The following CADM2 variants were observed in gnomAD, a reference collection of about 807,000 sequenced individuals.
CADM2 encodes cell adhesion molecule 2, also known as immunoglobulin superfamily member 4D.
CADM2 carries 12 observed loss-of-function variants against 49.8 expected under a neutral mutation model. The observed-to-expected ratio is 0.24, with a 90% CI of 0.15 to 0.39. The LOEUF (loss-of-function observed/expected upper bound fraction) is 0.39. Among genes scored for constraint, CADM2 ranks in the 10% least tolerant of loss-of-function variants. CADM2 has a pLI of 1.00. For missense variants in CADM2, 378 were observed against 492.3 expected, an observed-to-expected ratio of 0.77 and a Z score of 2.20; for synonymous variants, 214 against 175.4, an observed-to-expected ratio of 1.22 and a Z score of -1.74.
At chr3:85,620,622 T>A (rs1025786251) in intron 1 of CADM2, among the ~76,000 whole-genome samples, 6 of 152,096 alleles carry the variant, frequency 3.9e-5, no homozygotes, top group Non-Finnish European at 5.9e-5. Flanking sequence ...ACAGTATTTT[T>A]AAAAAATCAT....
intron 1 of CADM2, among the ~76,000 whole-genome samples, chr3:85,590,522 G>A (rs6782190): frequency 0.59 from 90,278 of 151,786 alleles, 28,326 homozygotes; most frequent in East Asian, 0.93. Context: ...ACTGTTGGAA[G>A]GAAAACATAA....
chr3:85,422,244 G>A (rs1189712011), intron 1 of CADM2, among the ~76,000 whole-genome samples: 1 of 152,050 alleles, frequency 6.6e-6, no homozygotes, highest in Non-Finnish European at 1.5e-5. Flanking sequence ...ATTCTGGAAA[G>A]CAAGAAGCAG....
intron 1 of CADM2, among the ~76,000 whole-genome samples, chr3:85,578,478 T>TA (rs1422636811): frequency 2.0e-5 from 3 of 152,344 alleles, no homozygotes; most frequent in South Asian, 4.1e-4. Context: ...AGGCCATACT[T>TA]AAAAAAATAA....
intron 3 of CADM2, among the ~76,000 whole-genome samples, chr3:85,853,564 C>T (rs2075187978): frequency 6.6e-6 from 1 of 151,648 alleles, no homozygotes; most frequent in Non-Finnish European, 1.5e-5. Context: ...TGTTTACTTT[C>T]CTTTAATACC....
At chr3:85,985,830 A>G (rs149131882) in intron 8 of CADM2, among the ~76,000 whole-genome samples, 1 of 152,036 alleles carries the variant, frequency 6.6e-6, no homozygotes, top group African/African-American at 2.4e-5. Context: ...TGAAAATAAA[A>G]CAAAGTTAAG....
rs192601757 is a variant in CADM2 at position 85,455,495 on chromosome 3, G to A, written c.62-271027G>A. ...CATGTAAGTTGATAAGCAGAAAAAT[G>A]TCTCAGTTTAAAGAACATAAACCTA... On this transcript the variant is annotated intron_variant, in intron 1 of 9. Transcript: ENST00000383699. 3.4e-3 allele frequency among the ~76,000 whole-genome samples: 520 copies of A among 152,262 alleles called. 2 individuals are homozygous for A. In the Middle Eastern group the frequency reaches 0.041, roughly 12 times the overall value.
At chr3:85,367,890 G>C (rs561263213) in intron 1 of CADM2, among the ~76,000 whole-genome samples, 1 of 151,634 alleles carries the variant, frequency 6.6e-6, no homozygotes, top group Non-Finnish European at 1.5e-5. Flanking sequence ...ATACAGCTGA[G>C]AATCAGGAAT....
At chr3:85,044,071 G>C (rs992374117) in intron 1 of CADM2, among the ~76,000 whole-genome samples, 36 of 152,146 alleles carry the variant, frequency 2.4e-4, no homozygotes, top group African/African-American at 8.2e-4. Flanking sequence ...GACCTAAGTA[G>C]GGAAAGGAAC....
chr3:85,152,555 ATCC>A (rs1306595132), intron 1 of CADM2, among the ~76,000 whole-genome samples: 1 of 152,132 alleles, frequency 6.6e-6, no homozygotes, highest in Non-Finnish European at 1.5e-5. Flanking sequence ...TGGGGGTCAT[ATCC>A]TCCTCCCAAC....
Position 85,851,429 on chromosome 3 carries a change from G to T in CADM2, c.239-31862G>T, listed in dbSNP as rs2075104887. On this transcript the variant is annotated intron_variant, in intron 3 of 9. Coordinates refer to ENST00000383699, the MANE Select transcript of CADM2 (RefSeq NM_001167675.2). Reference sequence around the variant, plus strand: ...AGTCCAGCCACTTTTAATGTTTGAGGTCTGTAAAACAATTCAAATCTCCTC... The same window carrying T: ...AGTCCAGCCACTTTTAATGTTTGAGTTCTGTAAAACAATTCAAATCTCCTC... 2.0e-5 allele frequency among the ~76,000 whole-genome samples: 3 copies of T among 151,900 alleles called. No homozygotes were observed. The South Asian group carries it at 6.2e-4, about 32-fold the overall frequency.
chr3:85,866,706 G>T (rs1440045307), intron 3 of CADM2, among the ~76,000 whole-genome samples: 1 of 151,684 alleles, frequency 6.6e-6, no homozygotes, highest in African/African-American at 2.4e-5. Context: ...TTATAAAAAA[G>T]AATTCAATTT....
At chr3:85,718,265 G>A (rs747080565) in intron 1 of CADM2, among the ~76,000 whole-genome samples, 1 of 152,136 alleles carries the variant, frequency 6.6e-6, no homozygotes, top group African/African-American at 2.4e-5. Flanking sequence ...TAGATTTAGG[G>A]TATTTCTAAA....
chr3:85,101,741 C>T (rs928573701), intron 1 of CADM2, among the ~76,000 whole-genome samples: 1 of 152,162 alleles, frequency 6.6e-6, no homozygotes, highest in Admixed American at 6.6e-5. Flanking sequence ...GGTAGAGTTA[C>T]TGAGTTTTCA....
chr3:85,988,578 G>A (rs1404513306), intron 8 of CADM2, among the ~76,000 whole-genome samples: 6 of 152,092 alleles, frequency 3.9e-5, no homozygotes, highest in Non-Finnish European at 8.8e-5. Flanking sequence ...GATCAATAAC[G>A]TGTAGCTGTG....
At chr3:85,595,890 C>T (rs1433832851) in intron 1 of CADM2, among the ~76,000 whole-genome samples, 1 of 151,816 alleles carries the variant, frequency 6.6e-6, no homozygotes, top group African/African-American at 2.4e-5. Context: ...AATTTCGTCT[C>T]TGTGAGATAT....
chr3:85,022,229 C>T (rs889363594), intron 1 of CADM2, among the ~76,000 whole-genome samples: 2 of 152,160 alleles, frequency 1.3e-5, no homozygotes, highest in Non-Finnish European at 2.9e-5. Context: ...TCCCAGATTT[C>T]CCATATGCAA....
chr3:85,647,816 A>C (rs749303189), intron 1 of CADM2, among the ~76,000 whole-genome samples: 1 of 151,826 alleles, frequency 6.6e-6, no homozygotes, highest in African/African-American at 2.4e-5. Context: ...CACTAATTTC[A>C]TATCAACTAT....
chr3:85,277,814 G>T (rs59086504), intron 1 of CADM2, among the ~76,000 whole-genome samples: 8,524 of 151,204 alleles, frequency 0.056, 319 homozygotes, highest in East Asian at 0.14. Context: ...GAATAAAAAA[G>T]TTTAGATCAG....
At chr3:85,810,980 C>T (rs2108125580) in intron 3 of CADM2, among the ~76,000 whole-genome samples, 2 of 152,184 alleles carry the variant, frequency 1.3e-5, no homozygotes, top group Middle Eastern at 6.8e-3. Context: ...CATTTTGAGT[C>T]CAGCAATTTT....
Sources: gnomAD v4.1 joint callset for allele counts (sites outside exome capture counted in the v4.1 genomes callset) on GRCh38, gnomAD v4.1.1 for gene constraint, MANE v1.5 for transcripts, NCBI Gene and HGNC (gene_info 2026-07-23, HGNC 2026-07-21) for gene names.